GGT1: variants seen among roughly 807,000 people sequenced by gnomAD.
The protein encoded by GGT1 is glutathione hydrolase 1 proenzyme.
A neutral mutation model predicts 56.0 loss-of-function variants in GGT1; 21 were observed. The observed-to-expected ratio is 0.38, with a 90% CI of 0.27 to 0.54. The LOEUF is 0.54. Ranked by LOEUF, GGT1 falls within the 20% of genes least tolerant of loss-of-function variation. The pLI is 0.82. For missense variants in GGT1, 466 were observed against 787.0 expected (o/e 0.59, Z 4.88); for synonymous variants, 238 against 342.6 (o/e 0.69, Z 3.37).
chr22:24,602,775 C>T (rs975977731), upstream of GGT1, among the ~76,000 whole-genome samples: 1 of 152,136 alleles, frequency 6.6e-6, no homozygotes, highest in Non-Finnish European at 1.5e-5. Context: ...TTAGGAGAGG[C>T]ATCCCCTGCC....
upstream of GGT1, among the ~76,000 whole-genome samples, chr22:24,591,380 A>G (rs929061014): frequency 6.6e-6 from 1 of 152,248 alleles, no homozygotes; most frequent in African/African-American, 2.4e-5. Flanking sequence ...CATCTGGCCC[A>G]GAGGGTCTCT....
At chr22:24,605,939 A>T (rs1440125839) in intron 1 of GGT1, among the ~76,000 whole-genome samples, 1 of 90,360 alleles carries the variant, frequency 1.1e-5, no homozygotes, top group African/African-American at 4.9e-5. Context: ...ATTATATATA[A>T]TATATAATAT....
rs970527538 is a variant in GGT1 at position 24,612,609 on chromosome 22, C to A, written c.164+1364C>A. ...TGGCGCAATCTCGGCTCGCTGCAAC[C>A]TCCGTCTCCTGGATTCAGGTGATTC... On this transcript the variant is annotated intron_variant, in intron 5 of 15. Coordinates refer to ENST00000400382, the MANE Select transcript of GGT1 (RefSeq NM_001288833.2). 1.1e-4 allele frequency among the ~76,000 whole-genome samples: 16 copies of A among 152,202 alleles called. No homozygotes were observed. The Middle Eastern group carries it at 0.01, about 97-fold the overall frequency.
chr22:24,587,031 T>G, the GGT1 span, among the ~76,000 whole-genome samples: 1 of 152,334 alleles, frequency 6.6e-6, no homozygotes, highest in Middle Eastern at 3.4e-3. Context: ...ATTTTTCAGA[T>G]AGGTGAAGTA....
chr22:24,585,421 C>T, the GGT1 span, among the ~76,000 whole-genome samples: 2 of 152,216 alleles, frequency 1.3e-5, no homozygotes. Context: ...GGGCCCGCTC[C>T]CTGGAGGCCT....
chr22:24,620,384 C>A lies in GGT1; in HGVS notation c.439C>A (p.Arg147=). ...EIRGYELAHQ[R]HGRLPWARLF... ...CCGAGGCTATGAGCTGGCACACCAG[C>A]GGCATGGGCGGCTGCCCTGGGCTCG... The change falls in exon 8 of 16, where the codon CGG becomes AGG. Residue 147 remains arginine, a synonymous_variant. Transcript: ENST00000400382. This position sits in a 1 kb window ranked among gnomAD's most constrained non-coding sequence, Gnocchi z 5.6. 2 of 1,611,412 alleles carry A rather than the reference C, an allele frequency of 1.2e-6. No individual in the cohort carries two copies. The highest frequency in any genetic ancestry group is 1.3e-5 in the African/African-American group (1 of 74,984).
upstream of GGT1, chr22:24,593,299 G>A (rs1165133876): frequency 1.7e-5 from 3 of 176,216 alleles, no homozygotes; most frequent in African/African-American, 7.2e-5. Flanking sequence ...GAGACGCGGA[G>A]CTCGGCCGAG....
At chr22:24,586,091 T>C in the GGT1 span, 2 of 1,612,576 alleles carry the variant, frequency 1.2e-6, no homozygotes, top group Non-Finnish European at 1.7e-6. Flanking sequence ...ATCCACGTTG[T>C]TGCCCAGGTC....
chr22:24,589,904 C>G (rs774666585), upstream of GGT1: 2 of 1,613,046 alleles, frequency 1.2e-6, no homozygotes, highest in Non-Finnish European at 1.7e-6. Context: ...AAGGCCACAT[C>G]TCTGTAGAGG....
At chr22:24,589,022 A>AG in the GGT1 span, 23 of 1,021,840 alleles carry the variant, frequency 2.3e-5, no homozygotes, top group Non-Finnish European at 2.6e-5. Context: ...CACACACAGC[A>AG]GCTGCAAGCC....
chr22:24,594,167 C>T (rs1191172760), upstream of GGT1, among the ~76,000 whole-genome samples: 1 of 152,304 alleles, frequency 6.6e-6, no homozygotes, highest in East Asian at 1.9e-4. Flanking sequence ...TCAGCAGAAG[C>T]CTAGGTCTCT....
intron 9 of GGT1, among the ~76,000 whole-genome samples, chr22:24,621,740 G>A (rs1451654576): frequency 4.6e-5 from 7 of 152,150 alleles, no homozygotes; most frequent in Non-Finnish European, 1.0e-4. Flanking sequence ...GAGACTGGCA[G>A]GAATTCTCCA....
At chr22:24,591,931 A>AGAAGG (rs1444745194), upstream of GGT1, among the ~76,000 whole-genome samples, 2 of 152,264 alleles carry the variant, frequency 1.3e-5, no homozygotes, top group Non-Finnish European at 2.9e-5. Context: ...GAGGAGGTGG[A>AGAAGG]GAAGGGAAGG....
upstream of GGT1, among the ~76,000 whole-genome samples, chr22:24,593,802 AAAAG>A (rs2045641196): frequency 6.6e-6 from 1 of 151,210 alleles, no homozygotes; most frequent in East Asian, 1.9e-4. Context: ...AAAAAAAAAG[AAAAG>A]AAAAGAAATC....
chr22:24,618,665 G>A (rs1455912488), intron 7 of GGT1, among the ~76,000 whole-genome samples: 1 of 152,192 alleles, frequency 6.6e-6, no homozygotes, highest in Non-Finnish European at 1.5e-5. Context: ...AAGGAATCAT[G>A]TGCTGGGTGT....
chr22:24,598,270 T>C (rs927930892), upstream of GGT1: 3 of 151,942 alleles, frequency 2.0e-5, no homozygotes, highest in Non-Finnish European at 4.4e-5. Context: ...AAACTCCATC[T>C]CTACTAAAAG....
intron 5 of GGT1, among the ~76,000 whole-genome samples, chr22:24,614,260 G>T (rs2046893098): frequency 6.7e-6 from 1 of 148,844 alleles, no homozygotes; most frequent in Non-Finnish European, 1.5e-5. Flanking sequence ...GAGATGGGAG[G>T]GTCAATTGAG....
At chr22:24,600,828 C>T (rs1156624308), upstream of GGT1, among the ~76,000 whole-genome samples, 1 of 152,172 alleles carries the variant, frequency 6.6e-6, no homozygotes, top group Middle Eastern at 3.2e-3. Flanking sequence ...GGATCTGAGG[C>T]CAGGCCCACC....
chr22:24,614,417 AC>A (rs1357416325), intron 5 of GGT1, among the ~76,000 whole-genome samples: 7 of 149,090 alleles, frequency 4.7e-5, no homozygotes, highest in African/African-American at 1.7e-4. Context: ...AGAGATAGAG[AC>A]CAGCCTGGCC....
Sources: allele counts gnomAD v4.1 joint callset (sites outside exome capture counted in the v4.1 genomes callset), GRCh38; gene constraint gnomAD v4.1.1; non-coding constraint Gnocchi (gnomAD v3.1); transcripts MANE v1.5; gene names NCBI Gene and HGNC (gene_info 2026-07-23, HGNC 2026-07-21).